Variants in ZFHX3 observed in about 807,000 individuals in gnomAD.
The protein encoded by ZFHX3 is zinc finger homeobox 3, also known as zinc finger homeobox protein 3.
Under a neutral mutation model 279.1 loss-of-function variants are expected in ZFHX3, and 42 were observed. The observed-to-expected ratio is 0.15, with a 90% CI of 0.12 to 0.19. The LOEUF is 0.19. Ranked by LOEUF, ZFHX3 falls within the 10% of genes least tolerant of loss-of-function variation. The pLI, the probability that ZFHX3 is intolerant of heterozygous loss-of-function variation, is 1.00. For synonymous variants in ZFHX3, 2,293 were observed against 1,957.8 expected, an observed-to-expected ratio of 1.17 and a Z score of -4.52; for missense variants, 4,981 against 4,754.0, an observed-to-expected ratio of 1.05 and a Z score of -1.40.
intron 1 of ZFHX3, among the ~76,000 whole-genome samples, chr16:73,684,847 C>T (rs565688503): frequency 2.6e-5 from 4 of 151,810 alleles, no homozygotes; most frequent in East Asian, 1.9e-4. Context: ...ATTACAGGCA[C>T]GCACCACCAC....
intron 5 of ZFHX3, among the ~76,000 whole-genome samples, chr16:73,181,090 GT>G (rs199631252): frequency 0.15 from 20,082 of 137,312 alleles, 1,448 homozygotes; most frequent in South Asian, 0.19. Context: ...TGTTTGTTTT[GT>G]TTTGTTTTGT....
chr16:73,744,805 T>G (rs2053689366), intron 1 of ZFHX3, among the ~76,000 whole-genome samples: 1 of 152,208 alleles, frequency 6.6e-6, no homozygotes, highest in Non-Finnish European at 1.5e-5. Flanking sequence ...TTCCTCGTGT[T>G]ATTTCATCTT....
In ZFHX3 at chr16:72,958,912, T is replaced by G. The variant is rs1961410442; in HGVS notation, c.1234A>C (p.Lys412Gln). 6.2e-7 allele frequency: 1 copy of G among 1,604,858 alleles called. No individual in the cohort carries two copies. The highest frequency in any genetic ancestry group is 8.5e-7 in the Non-Finnish European group (1 of 1,175,276). ...AGGGGGACTGAGGTAATGGGGGTCT[T>G]CAGTACCGAGCTGGTGAGCCCGCCA... ...NLGGLTSSVL[K>Q]TPITSVPLGP... The change falls in exon 2 of 10, where the codon AAG (lysine) becomes CAG (glutamine). Residue 412 changes from lysine to glutamine, a missense_variant. This residue lies in a region of ZFHX3 where 1,068 missense variants were observed against 935.2 expected (regional missense o/e 1.14). Transcript: ENST00000268489.
upstream of ZFHX3, among the ~76,000 whole-genome samples, chr16:73,051,020 C>T (rs1237394578): frequency 6.6e-6 from 1 of 152,182 alleles, no homozygotes; most frequent in Non-Finnish European, 1.5e-5. Context: ...TCTACACATA[C>T]ACACTTACTA....
chr16:73,554,428 C>T (rs2020244731), intron 2 of ZFHX3: 1 of 152,128 alleles, frequency 6.6e-6, no homozygotes, highest in Admixed American at 6.5e-5. Flanking sequence ...CATAATAAAC[C>T]AGACGTATAT....
At chr16:73,162,803 T>C (rs1967269645) in intron 5 of ZFHX3, among the ~76,000 whole-genome samples, 1 of 152,178 alleles carries the variant, frequency 6.6e-6, no homozygotes, top group Non-Finnish European at 1.5e-5. Flanking sequence ...TATTTTCAGG[T>C]AAATCTAAAT....
chr16:72,795,197 G>C lies in ZFHX3; in HGVS notation c.7485C>G (p.Pro2495=), dbSNP rs373161376. ...GCTGGGAAGGACTGGGGCTCGACTG[G>C]GGTAAGGGGCACTGTGGAGGGGGCG... ...PQAPPPQCPL[P]QSSPSPSQLS... Residue 2495 remains proline (P), a synonymous_variant, in exon 9 of 10, where the codon CCC becomes CCG. Coordinates refer to ENST00000268489, the MANE Select transcript of ZFHX3 (RefSeq NM_006885.4). 1.6e-5 allele frequency: 25 copies of C among 1,607,860 alleles called. No individual in the cohort carries two copies. The African/African-American group carries it at 2.7e-4, about 17-fold the overall frequency.
chr16:72,909,201 T>C lies in ZFHX3; in HGVS notation c.3217-19239A>G, dbSNP rs565475369. On this transcript the variant is annotated intron_variant, in intron 3 of 9. Coordinates refer to ENST00000268489, the MANE Select transcript of ZFHX3 (RefSeq NM_006885.4). The stretch of plus-strand genomic sequence containing the variant: ...TAGAATTCATAAGAATACAGCCTCT[T>C]AGAAGGCACGTTTCTAAAATGTAGG... Among the ~76,000 whole-genome samples, 2 of 152,346 alleles carry C rather than the reference T, an allele frequency of 1.3e-5. 1 individual carries two copies. Among genetic ancestry groups the C allele is most frequent in the South Asian group, 4.1e-4 (2 of 4,826 alleles).
chr16:73,479,160 C>T (rs534310817), intron 2 of ZFHX3, among the ~76,000 whole-genome samples: 4 of 152,166 alleles, frequency 2.6e-5, no homozygotes, highest in African/African-American at 7.2e-5. Context: ...TTACCAATGA[C>T]ATGAGCTTGA....
chr16:72,983,648 A>G (rs1289994997), intron 1 of ZFHX3, among the ~76,000 whole-genome samples: 3 of 152,128 alleles, frequency 2.0e-5, no homozygotes, highest in Non-Finnish European at 4.4e-5. Flanking sequence ...TCGAGGCTGC[A>G]GTGAGCTATG....
At chr16:73,500,680 G>C (rs1266714038) in intron 2 of ZFHX3, among the ~76,000 whole-genome samples, 1 of 75,802 alleles carries the variant, frequency 1.3e-5, no homozygotes, top group East Asian at 3.8e-4. Context: ...AAAAAAAAGA[G>C]TTTTAAAATA....
chr16:73,336,802 C>A (rs2143244871), intron 3 of ZFHX3, among the ~76,000 whole-genome samples: 1 of 152,270 alleles, frequency 6.6e-6, no homozygotes, highest in East Asian at 1.9e-4. Flanking sequence ...GTCTTTGCAA[C>A]CGCATCCCCT....
chr16:73,359,428 C>T (rs772772764), intron 3 of ZFHX3, among the ~76,000 whole-genome samples: 8 of 152,082 alleles, frequency 5.3e-5, no homozygotes, highest in East Asian at 1.9e-4. Context: ...TACACACCAT[C>T]GGCAAAGGCT....
chr16:72,848,657 C>T (rs1182400543), intron 4 of ZFHX3, among the ~76,000 whole-genome samples: 1 of 143,954 alleles, frequency 6.9e-6, no homozygotes, highest in East Asian at 2.1e-4. Context: ...ACCCCCTATG[C>T]CACTGGAACA....
intron 2 of ZFHX3, among the ~76,000 whole-genome samples, chr16:73,505,527 G>A (rs927205013): frequency 1.3e-5 from 2 of 151,460 alleles, no homozygotes; most frequent in Non-Finnish European, 2.9e-5. Flanking sequence ...GTCACTCTTA[G>A]GCGATGACTA....
chr16:72,881,374 C>T (rs377411963), intron 4 of ZFHX3, among the ~76,000 whole-genome samples: 74 of 139,694 alleles, frequency 5.3e-4, no homozygotes, highest in South Asian at 3.4e-3. Context: ...TTCCACTGCT[C>T]GTCAATGTTT....
chr16:73,472,268 T>A (rs1167930911), intron 2 of ZFHX3, among the ~76,000 whole-genome samples: 9 of 132,358 alleles, frequency 6.8e-5, no homozygotes, highest in African/African-American at 8.5e-5. Context: ...TTTTAAATCT[T>A]AAAAAAAAAA....
intron 2 of ZFHX3, among the ~76,000 whole-genome samples, chr16:73,469,132 C>T (rs778766438): frequency 1.3e-5 from 2 of 152,190 alleles, no homozygotes; most frequent in Admixed American, 1.3e-4. Flanking sequence ...GTCTTTCCCA[C>T]CACCCAGCCC....
chr16:73,327,581 G>C (rs185325904), intron 3 of ZFHX3, among the ~76,000 whole-genome samples: 1 of 152,342 alleles, frequency 6.6e-6, no homozygotes, highest in African/African-American at 2.4e-5. Flanking sequence ...ATGAATGAAA[G>C]ATGCTCCAAG....
Sources: gnomAD v4.1 joint callset for allele counts (sites outside exome capture counted in the v4.1 genomes callset) on GRCh38, gnomAD v4.1.1 for gene constraint, gnomAD v4.1.1 regional missense constraint, MANE v1.5 for transcripts, NCBI Gene and HGNC (gene_info 2026-07-23, HGNC 2026-07-21) for gene names.